Variants in CNTN5 observed in about 807,000 individuals in gnomAD.
CNTN5 encodes contactin-5.
A neutral mutation model predicts 129.1 loss-of-function variants in CNTN5; 77 were observed. The observed-to-expected ratio is 0.60, with a 90% confidence interval of 0.50 to 0.72. The LOEUF is 0.72. Ranked by LOEUF, CNTN5 falls within the 30% of genes least tolerant of loss-of-function variation. CNTN5 has a pLI of 0.00. For missense variants in CNTN5, 1,478 were observed against 1,328.8 expected (o/e 1.11, Z -1.75); for synonymous variants, 509 against 465.6 (o/e 1.09, Z -1.20).
intron 2 of CNTN5, among the ~76,000 whole-genome samples, chr11:99,327,269 A>G (rs1865824806): frequency 6.6e-6 from 1 of 152,218 alleles, no homozygotes; most frequent in African/African-American, 2.4e-5. Context: ...TGGATAAGCA[A>G]TTTGAATTTA....
intron 3 of CNTN5, among the ~76,000 whole-genome samples, chr11:99,672,440 C>T (rs1386291643): frequency 6.6e-6 from 1 of 151,828 alleles, no homozygotes; most frequent in Non-Finnish European, 1.5e-5. Flanking sequence ...CTCCTATGAG[C>T]TTTAGCAATC....
intron 23 of CNTN5, among the ~76,000 whole-genome samples, chr11:100,350,291 T>C (rs759882636): frequency 4.0e-5 from 6 of 151,722 alleles, no homozygotes; most frequent in Non-Finnish European, 7.4e-5. Context: ...CCTCTCTACC[T>C]ACTTCTCTAG....
intron 1 of CNTN5, among the ~76,000 whole-genome samples, chr11:99,282,496 G>A (rs1863746107): frequency 6.6e-6 from 1 of 151,990 alleles, no homozygotes; most frequent in Non-Finnish European, 1.5e-5. Context: ...AAGAGTAGAG[G>A]TGAGAGAGCG....
chr11:99,059,491 C>T (rs551026249), intron 1 of CNTN5, among the ~76,000 whole-genome samples: 28 of 152,146 alleles, frequency 1.8e-4, no homozygotes, highest in Admixed American at 5.9e-4. Context: ...GCAAATACTT[C>T]CCTTTAGTCA....
chr11:99,293,133 G>T (rs1864239864), intron 1 of CNTN5, among the ~76,000 whole-genome samples: 1 of 151,378 alleles, frequency 6.6e-6, no homozygotes, highest in Non-Finnish European at 1.5e-5. Flanking sequence ...TTTTTATTAT[G>T]AAGAGATGTT....
intron 21 of CNTN5, among the ~76,000 whole-genome samples, chr11:100,338,813 G>A (rs778429861): frequency 4.6e-5 from 7 of 151,574 alleles, no homozygotes; most frequent in Non-Finnish European, 7.4e-5. Flanking sequence ...TGACCCCTAA[G>A]CCCCAGAGGG....
At chr11:100,336,955 A>C in intron 21 of CNTN5, 2 of 706,350 alleles carry the variant, frequency 2.8e-6, no homozygotes, top group Non-Finnish European at 5.2e-6. Flanking sequence ...GCACCTTCTT[A>C]GGCAGAAAAG....
chr11:99,702,789 A>G (rs193074171), intron 3 of CNTN5, among the ~76,000 whole-genome samples: 7 of 151,058 alleles, frequency 4.6e-5, no homozygotes, highest in African/African-American at 1.7e-4. Context: ...TCTGTTTCCT[A>G]TTCAGTGTTG....
chr11:99,236,714 T>G (rs1405797862), intron 1 of CNTN5, among the ~76,000 whole-genome samples: 1 of 152,180 alleles, frequency 6.6e-6, no homozygotes, highest in Non-Finnish European at 1.5e-5. Context: ...GAGAGAATTA[T>G]TGCAACCACC....
chr11:99,096,315 T>C (rs1483089492), intron 1 of CNTN5, among the ~76,000 whole-genome samples: 1 of 151,844 alleles, frequency 6.6e-6, no homozygotes, highest in African/African-American at 2.4e-5. Context: ...GTATTTGTGA[T>C]GAAAACAATA....
chr11:99,916,044 A>G lies in CNTN5; in HGVS notation c.578-10A>G. 1.2e-6 allele frequency: 2 copies of G among 1,603,926 alleles called. No individual in the cohort carries two copies. Among genetic ancestry groups the G allele is most frequent in the Non-Finnish European group, 1.7e-6 (2 of 1,172,808 alleles). On this transcript the variant is annotated splice_polypyrimidine_tract_variant and intron_variant, in intron 6 of 24. Coordinates refer to ENST00000524871, the MANE Select transcript of CNTN5 (RefSeq NM_014361.4). Reference sequence around the variant, plus strand: ...CTGCCTTGGATCTAAATGTTTTATTATGTTGACAGATCTGGGAAATTTTAG... The same window carrying G: ...CTGCCTTGGATCTAAATGTTTTATTGTGTTGACAGATCTGGGAAATTTTAG...
chr11:99,313,157 T>G (rs181972605), intron 1 of CNTN5, among the ~76,000 whole-genome samples: 1 of 151,884 alleles, frequency 6.6e-6, no homozygotes, highest in Non-Finnish European at 1.5e-5. Flanking sequence ...GATAATATAT[T>G]CAATGAATAG....
At chr11:99,326,709 T>C (rs1191742083) in intron 2 of CNTN5, among the ~76,000 whole-genome samples, 1 of 151,968 alleles carries the variant, frequency 6.6e-6, no homozygotes, top group Non-Finnish European at 1.5e-5. Flanking sequence ...TCTAAATTAA[T>C]CTTGTGAAGA....
chr11:99,033,999 AG>A (rs1404722986), intron 1 of CNTN5, among the ~76,000 whole-genome samples: 4 of 152,080 alleles, frequency 2.6e-5, no homozygotes, highest in Non-Finnish European at 5.9e-5. Context: ...ATTTTGTCAA[AG>A]GCCTTTTCTG....
intron 1 of CNTN5, among the ~76,000 whole-genome samples, chr11:99,321,442 A>G (rs1171060869): frequency 6.6e-6 from 1 of 151,944 alleles, no homozygotes; most frequent in Non-Finnish European, 1.5e-5. Flanking sequence ...TACTGTTAAA[A>G]ATAATCCCAT....
Position 100,004,861 on chromosome 11 carries a change from G to C in CNTN5, c.980+2725G>C, listed in dbSNP as rs543851386. ...TTATATAAGAACACAGCTGAAGAAA[G>C]GATTAGGAAATTTATATCCTGACTT... On this transcript the variant is annotated intron_variant, in intron 9 of 24. Coordinates refer to ENST00000524871, the MANE Select transcript of CNTN5 (RefSeq NM_014361.4). Among the ~76,000 whole-genome samples the C allele has an allele frequency of 1.8e-4, 27 of 152,240 alleles. 1 individual carries two copies. The South Asian group carries it at 5.4e-3, about 30-fold the overall frequency.
chr11:99,469,220 G>T (rs2726387), intron 2 of CNTN5, among the ~76,000 whole-genome samples: 4 of 152,058 alleles, frequency 2.6e-5, no homozygotes, highest in Non-Finnish European at 5.9e-5. Flanking sequence ...TCAAAATAGC[G>T]AATTTCTATG....
At chr11:100,164,146 A>G (rs1273688779) in intron 13 of CNTN5, among the ~76,000 whole-genome samples, 4 of 151,832 alleles carry the variant, frequency 2.6e-5, no homozygotes, top group African/African-American at 9.7e-5. Context: ...TTAAATCAAA[A>G]GCTTGAGAGA....
At chr11:99,065,507 C>T (rs1865064422) in intron 1 of CNTN5, among the ~76,000 whole-genome samples, 1 of 152,184 alleles carries the variant, frequency 6.6e-6, no homozygotes. Flanking sequence ...ATCTCCTCTA[C>T]TGTCACCATC....
Sources: gnomAD v4.1 joint callset for allele counts (sites outside exome capture counted in the v4.1 genomes callset) on GRCh38, gnomAD v4.1.1 for gene constraint, MANE v1.5 for transcripts, NCBI Gene and HGNC (gene_info 2026-07-23, HGNC 2026-07-21) for gene names.